The following PREX2 variants were observed in gnomAD, a reference collection of about 807,000 sequenced individuals.
PREX2 encodes the protein phosphatidylinositol 3,4,5-trisphosphate-dependent Rac exchanger 2 protein.
PREX2 carries 107 observed loss-of-function variants against 203.2 expected under a neutral mutation model. The observed-to-expected ratio is 0.53, with a 90% CI of 0.45 to 0.62. The LOEUF is 0.62. PREX2 is among the 20% of genes least tolerant of loss of function. The pLI is 0.00. For missense variants in PREX2, 1,777 were observed against 1,955.9 expected (o/e 0.91, Z 1.72); for synonymous variants, 672 against 663.6 (o/e 1.01, Z -0.19).
At chr8:68,161,136 C>T (rs57843522) in intron 35 of PREX2, among the ~76,000 whole-genome samples, 2,857 of 151,498 alleles carry the variant, frequency 0.019, 76 homozygotes, top group African/African-American at 0.064. Context: ...CCTTTGTTGC[C>T]CAGGCTAGAG....
intron 1 of PREX2, among the ~76,000 whole-genome samples, chr8:67,975,846 G>T (rs1806066059): frequency 6.6e-6 from 1 of 150,766 alleles, no homozygotes; most frequent in Non-Finnish European, 1.5e-5. Context: ...TGGGACTACA[G>T]GCGTGTGCCA....
intron 1 of PREX2, among the ~76,000 whole-genome samples, chr8:67,975,031 C>G (rs1448375958): frequency 6.6e-6 from 1 of 152,164 alleles, no homozygotes. Flanking sequence ...GCACCTCTCT[C>G]TGGAGAGCTC....
intron 4 of PREX2, among the ~76,000 whole-genome samples, chr8:68,024,979 A>G (rs1260659526): frequency 1.3e-5 from 2 of 151,996 alleles, no homozygotes; most frequent in African/African-American, 4.8e-5. Flanking sequence ...TATTATTGCC[A>G]TATATATTAC....
At chr8:68,011,224 T>C (rs1807249308) in intron 1 of PREX2, among the ~76,000 whole-genome samples, 1 of 152,270 alleles carries the variant, frequency 6.6e-6, no homozygotes, top group East Asian at 1.9e-4. Context: ...TTTAGCTTTT[T>C]TTTTCTCTGA....
At chr8:68,083,817 C>G (rs56091358) in intron 18 of PREX2, among the ~76,000 whole-genome samples, 80,995 of 151,926 alleles carry the variant, frequency 0.53, 21,578 homozygotes, top group South Asian at 0.56. Context: ...GAAAGATAAT[C>G]CATACTTGCA....
At chr8:68,217,024 C>T (rs868543684) in intron 37 of PREX2, among the ~76,000 whole-genome samples, 8 of 151,426 alleles carry the variant, frequency 5.3e-5, no homozygotes, top group African/African-American at 1.9e-4. Context: ...AAAGGCTCAC[C>T]AGTCACTAAA....
intron 7 of PREX2, 45 bp downstream of exon 7, chr8:68,038,337 T>C (rs1258730810): frequency 1.3e-6 from 2 of 1,598,678 alleles, no homozygotes; most frequent in Admixed American, 1.7e-5. Context: ...TCACAGTTTC[T>C]ACCTTTCCCT....
At chr8:68,202,537 A>T (rs1304864206) in intron 37 of PREX2, among the ~76,000 whole-genome samples, 1 of 152,192 alleles carries the variant, frequency 6.6e-6, no homozygotes, top group Non-Finnish European at 1.5e-5. Context: ...AGGCAGGGAG[A>T]CAGCAGGATT....
In PREX2 at chr8:68,134,283, A is replaced by AAATC; in HGVS notation, c.3984+9_3984+12dup. 1 of 1,604,724 alleles carries AAATC rather than the reference A, an allele frequency of 6.2e-7. No homozygotes were observed. Among genetic ancestry groups the AAATC allele is most frequent in the Non-Finnish European group, 8.5e-7 (1 of 1,171,700 alleles). On this transcript the variant is annotated splice_region_variant and intron_variant, in intron 32 of 39. Coordinates refer to ENST00000288368, the MANE Select transcript of PREX2 (RefSeq NM_024870.4). ...ACTTCTGTCACCAAACTTGGTAAGGAAATCACATGACTCCCACTGTCTGTG... is the reference window on the plus strand; with the variant it reads ...ACTTCTGTCACCAAACTTGGTAAGGAAATCAATCACATGACTCCCACTGTCTGTG...
chr8:68,087,601 A>C (rs1248926990), intron 18 of PREX2, 123 bp from the exon 19 acceptor site: 2 of 765,970 alleles, frequency 2.6e-6, no homozygotes, highest in East Asian at 5.1e-5. Flanking sequence ...TTCTAGCCCA[A>C]CATCTTTCAC....
chr8:68,016,264 C>T (rs1233682425), intron 1 of PREX2, among the ~76,000 whole-genome samples: 1 of 152,042 alleles, frequency 6.6e-6, no homozygotes, highest in Non-Finnish European at 1.5e-5. Context: ...CAATATTATC[C>T]ATTTGTATAT....
At chr8:67,960,947 C>G (rs1290317545) in intron 1 of PREX2, among the ~76,000 whole-genome samples, 1 of 149,984 alleles carries the variant, frequency 6.7e-6, no homozygotes, top group African/African-American at 2.5e-5. Flanking sequence ...GTAAGCACTT[C>G]TGGTTTATTA....
intron 35 of PREX2, among the ~76,000 whole-genome samples, chr8:68,172,460 T>C (rs973977465): frequency 6.6e-6 from 1 of 152,226 alleles, no homozygotes; most frequent in African/African-American, 2.4e-5. Context: ...ACATTTTGTC[T>C]GTAGGTTATG....
chr8:68,008,923 C>T (rs1333169145), intron 1 of PREX2, among the ~76,000 whole-genome samples: 1 of 152,168 alleles, frequency 6.6e-6, no homozygotes, highest in Non-Finnish European at 1.5e-5. Context: ...ATTACCTTTT[C>T]TCCGGTATGT....
At chr8:68,109,274 A>G (rs1202298102) in intron 24 of PREX2, 142 bp from the exon 25 acceptor site, 21 of 629,142 alleles carry the variant, frequency 3.3e-5, no homozygotes, top group Non-Finnish European at 5.8e-5. Context: ...CATAATGCAT[A>G]TATACGTCAA....
At chr8:68,030,848 G>A (rs891306301) in intron 6 of PREX2, among the ~76,000 whole-genome samples, 190 bp downstream of exon 6, 9 of 152,134 alleles carry the variant, frequency 5.9e-5, no homozygotes, top group African/African-American at 1.2e-4. Context: ...GGTTAATTGA[G>A]TTAACCTTGA....
At chr8:67,998,238 T>C (rs4336596) in intron 1 of PREX2, among the ~76,000 whole-genome samples, 103,381 of 151,308 alleles carry the variant, frequency 0.68, 35,473 homozygotes, top group South Asian at 0.81. Flanking sequence ...CCACCCTGAA[T>C]GCTGGAAGGT....
intron 30 of PREX2, among the ~76,000 whole-genome samples, chr8:68,126,631 T>A (rs977223023): frequency 1.3e-5 from 2 of 152,154 alleles, no homozygotes; most frequent in African/African-American, 4.8e-5. Flanking sequence ...GAATAGGATA[T>A]AACTTAATCT....
rs771889700 is a variant in PREX2, at chr8:68,019,599, A to G, written c.264A>G (p.Leu88=). ...TCCTTGCAGTACATAAAGAATTCTT[A>G]AAAGTCGTGGAAGAATGCTTACACC... ...EDILAVHKEF[L]KVVEECLHPE... Residue 88 remains leucine (L), a synonymous_variant, in exon 3 of 40, where the codon TTA becomes TTG. Coordinates refer to ENST00000288368, the MANE Select transcript of PREX2 (RefSeq NM_024870.4). The G allele has an allele frequency of 4.3e-6, 7 of 1,612,912 alleles. No homozygotes were observed. Among genetic ancestry groups the G allele is most frequent in the Non-Finnish European group, 5.9e-6 (7 of 1,178,974 alleles).
Sources: allele counts gnomAD v4.1 joint callset (sites outside exome capture counted in the v4.1 genomes callset), GRCh38; gene constraint gnomAD v4.1.1; transcripts MANE v1.5; gene names NCBI Gene and HGNC (gene_info 2026-07-23, HGNC 2026-07-21).